The following CD1B variants were observed in gnomAD, a reference collection of about 807,000 sequenced individuals.
CD1B encodes the protein T-cell surface glycoprotein CD1b.
CD1B carries 43 observed loss-of-function variants against 39.8 expected under a neutral mutation model. The observed-to-expected ratio is 1.08, with a 90% CI of 0.85 to 1.39. CD1B has a LOEUF of 1.39. Ranked by LOEUF, CD1B falls within the 40% of genes most tolerant of loss-of-function variation. CD1B has a pLI of 0.00. For missense variants in CD1B, 495 were observed against 403.8 expected (o/e 1.23, Z -1.94); for synonymous variants, 192 against 152.5 (o/e 1.26, Z -1.91).
the CD1B span, among the ~76,000 whole-genome samples, chr1:158,319,987 C>T: frequency 6.6e-6 from 1 of 152,190 alleles, no homozygotes; most frequent in African/African-American, 2.4e-5. Context: ...AGTCAGGGGT[C>T]AGGGACCCGC....
the CD1B span, among the ~76,000 whole-genome samples, chr1:158,307,349 T>G: frequency 6.6e-6 from 1 of 151,998 alleles, no homozygotes; most frequent in Non-Finnish European, 1.5e-5. Context: ...ATGGATAAAT[T>G]CCTCGACACG....
At chr1:158,331,117 T>C in intron 1 of CD1B, 55 bp from the exon 2 acceptor site, 1 of 1,487,010 alleles carries the variant, frequency 6.7e-7, no homozygotes, top group Middle Eastern at 2.3e-4. Flanking sequence ...CAGGAGACAA[T>C]TAGGAAGAAT....
chr1:158,328,577 C>A (rs780964514), intron 5 of CD1B, among the ~76,000 whole-genome samples: 1 of 152,122 alleles, frequency 6.6e-6, no homozygotes, highest in East Asian at 1.9e-4. Flanking sequence ...GCTGTCCTAA[C>A]CAGGGCCTGG....
At chr1:158,292,751 C>T in the CD1B span, 1 of 1,614,168 alleles carries the variant, frequency 6.2e-7, no homozygotes, top group South Asian at 1.1e-5. Flanking sequence ...TGATATTCTT[C>T]CTAATGCTGA....
the CD1B span, among the ~76,000 whole-genome samples, chr1:158,313,373 C>G: frequency 1.3e-5 from 2 of 152,150 alleles, no homozygotes; most frequent in African/African-American, 4.8e-5. Flanking sequence ...TGCAGTGGCA[C>G]AATCACATCT....
In CD1B at chr1:158,329,439, C is replaced by A. The variant is rs762905156; in HGVS notation, c.817G>T (p.Glu273Ter). ...LRATLDVADG[E>*]AAGLSCRVKH... is the part of the protein sequence containing the mutation. ...ACCCGACAGGACAGGCCAGCCGCCTCCCCATCTGCCACATCCAGGGTTGCT... is the reference window on the plus strand; with the variant it reads ...ACCCGACAGGACAGGCCAGCCGCCTACCCATCTGCCACATCCAGGGTTGCT... Residue 273 changes from glutamate to a stop codon, truncating the protein, a stop_gained, in exon 4 of 6, where the codon GAG becomes TAG. Transcript: ENST00000368168. LOFTEE classifies it high-confidence loss of function. The A allele has an allele frequency of 6.2e-7, 1 of 1,614,188 alleles. No homozygotes were observed. Among genetic ancestry groups the A allele is most frequent in the Non-Finnish European group, 8.5e-7 (1 of 1,180,042 alleles).
At chr1:158,292,768 A>T in the CD1B span, 1 of 1,614,056 alleles carries the variant, frequency 6.2e-7, no homozygotes, top group East Asian at 2.2e-5. Flanking sequence ...CTGATGGGAC[A>T]TGGTATCTTC....
the CD1B span, among the ~76,000 whole-genome samples, chr1:158,286,401 C>T: frequency 2.0e-5 from 3 of 152,320 alleles, no homozygotes; most frequent in Admixed American, 6.5e-5. Context: ...CTACCTCCAC[C>T]CTTCCTTTTT....
the CD1B span, among the ~76,000 whole-genome samples, chr1:158,301,066 A>G: frequency 6.6e-6 from 1 of 151,632 alleles, no homozygotes; most frequent in Non-Finnish European, 1.5e-5. Flanking sequence ...GTCTCTTTTG[A>G]TCTTTATTGG....
the CD1B span, among the ~76,000 whole-genome samples, chr1:158,306,598 A>C: frequency 3.9e-5 from 6 of 152,122 alleles, no homozygotes; most frequent in African/African-American, 1.4e-4. Context: ...CATCTACAGA[A>C]CTCTCCACCC....
At chr1:158,293,847 C>T in the CD1B span, among the ~76,000 whole-genome samples, 10 of 152,142 alleles carry the variant, frequency 6.6e-5, no homozygotes, top group Admixed American at 4.6e-4. Flanking sequence ...GATAAATGTG[C>T]CTTTCCTGCA....
downstream of CD1B, among the ~76,000 whole-genome samples, chr1:158,327,089 G>A (rs1416826963): frequency 6.6e-6 from 1 of 152,174 alleles, no homozygotes; most frequent in African/African-American, 2.4e-5. Context: ...GAGCCACCAC[G>A]CTTGGCCCCT....
At chr1:158,298,794 A>T in the CD1B span, among the ~76,000 whole-genome samples, 1 of 152,078 alleles carries the variant, frequency 6.6e-6, no homozygotes, top group Admixed American at 6.6e-5. Context: ...ATGGGAGTTC[A>T]CTCATGATTT....
chr1:158,326,325 A>G (rs990437396), downstream of CD1B, among the ~76,000 whole-genome samples: 6 of 152,226 alleles, frequency 3.9e-5, no homozygotes, highest in Non-Finnish European at 8.8e-5. Flanking sequence ...ATGTTAAATG[A>G]CATTATAGCT....
rs148857689 is a variant in CD1B at position 158,331,372 on chromosome 1, T to C, written c.52A>G (p.Ser18Gly). 6.2e-7 allele frequency: 1 copy of C among 1,613,980 alleles called. No individual in the cohort carries two copies. The highest frequency in any genetic ancestry group is 2.2e-5 in the East Asian group (1 of 44,874). Residue 18 changes from serine to glycine, a missense_variant, in exon 1 of 6, where the codon AGT (serine) becomes GGT (glycine). Ser to Gly is a moderately conservative substitution (Grantham distance 56). Transcript: ENST00000368168. ...LLAVLFPGGN[S>G]EHAFQGPTSF... is the part of the protein sequence containing the mutation. The stretch of plus-strand genomic sequence containing the variant: ...CCAGAGTGACTCTTACCATGTTCAC[T>C]GTTACCACCAGGAAAGAGAACAGCT...
At chr1:158,331,248 C>A in intron 1 of CD1B, 115 bp downstream of exon 1, 1 of 1,142,662 alleles carries the variant, frequency 8.8e-7, no homozygotes, top group South Asian at 1.4e-5. Context: ...TTGAAGAGGG[C>A]GGGAGACAGA....
chr1:158,319,464 G>T, the CD1B span, among the ~76,000 whole-genome samples: 1 of 152,128 alleles, frequency 6.6e-6, no homozygotes, highest in African/African-American at 2.4e-5. Flanking sequence ...ATCAGCTCCT[G>T]AGGCTTCTGC....
the CD1B span, chr1:158,293,273 A>G: frequency 6.2e-7 from 1 of 1,614,036 alleles, no homozygotes; most frequent in South Asian, 1.1e-5. Flanking sequence ...TGATTCTAAT[A>G]GTCCTTGTGT....
At chr1:158,296,618 A>G in the CD1B span, among the ~76,000 whole-genome samples, 18 of 152,336 alleles carry the variant, frequency 1.2e-4, no homozygotes, top group African/African-American at 4.1e-4. Context: ...GAGATAATAG[A>G]CATAGATTTT....
Sources: allele counts gnomAD v4.1 joint callset (sites outside exome capture counted in the v4.1 genomes callset), GRCh38; gene constraint gnomAD v4.1.1; transcripts MANE v1.5; gene names NCBI Gene and HGNC (gene_info 2026-07-23, HGNC 2026-07-21).